Variants in CSGALNACT1 observed in about 807,000 individuals in gnomAD.
The protein encoded by CSGALNACT1 is chondroitin sulfate N-acetylgalactosaminyltransferase 1, also known as beta4GalNAcT-1.
Under a neutral mutation model 51.0 loss-of-function variants are expected in CSGALNACT1, and 52 were observed. The ratio of observed to expected loss-of-function variants is 1.02; its 90% CI spans 0.82 to 1.29. The LOEUF (loss-of-function observed/expected upper bound fraction) is 1.29. Ranked by LOEUF, CSGALNACT1 falls within the 50% of genes most tolerant of loss-of-function variation. The probability of loss-of-function intolerance (pLI) is 0.00; values close to 1 mark genes in which losing one functional copy is unlikely to be tolerated. For missense variants in CSGALNACT1, 935 were observed against 679.2 expected, an observed-to-expected ratio of 1.38 and a Z score of -4.19; for synonymous variants, 341 against 254.4, an observed-to-expected ratio of 1.34 and a Z score of -3.24.
chr8:19,475,670 A>C (rs1205326805), intron 4 of CSGALNACT1, among the ~76,000 whole-genome samples: 1 of 152,214 alleles, frequency 6.6e-6, no homozygotes, highest in Non-Finnish European at 1.5e-5. Flanking sequence ...ACAAGCAAAC[A>C]ACTTAAATAC....
At chr8:19,475,447 C>G (rs2153888487) in intron 4 of CSGALNACT1, among the ~76,000 whole-genome samples, 1 of 152,246 alleles carries the variant, frequency 6.6e-6, no homozygotes. Flanking sequence ...GAATATTAAG[C>G]TGTACAAAAG....
At chr8:19,745,791 C>T (rs996607390) in intron 1 of CSGALNACT1, among the ~76,000 whole-genome samples, 5 of 152,114 alleles carry the variant, frequency 3.3e-5, no homozygotes, top group Admixed American at 6.5e-5. Flanking sequence ...TCAGAGAAAA[C>T]GCGTATTGCA....
intron 4 of CSGALNACT1, among the ~76,000 whole-genome samples, chr8:19,459,676 G>C (rs2064954108): frequency 6.6e-6 from 1 of 152,140 alleles, no homozygotes; most frequent in Non-Finnish European, 1.5e-5. Context: ...GGCCCCACAG[G>C]TTTGCTTTGA....
intron 1 of CSGALNACT1, among the ~76,000 whole-genome samples, chr8:19,657,416 TCTAGAA>T (rs2058381658): frequency 6.6e-6 from 1 of 152,210 alleles, no homozygotes; most frequent in African/African-American, 2.4e-5. Context: ...TTGGATATTT[TCTAGAA>T]TTGACAAAAA....
chr8:19,631,022 T>A (rs2055179328), intron 1 of CSGALNACT1, among the ~76,000 whole-genome samples: 1 of 152,218 alleles, frequency 6.6e-6, no homozygotes, highest in South Asian at 2.1e-4. Flanking sequence ...GACAATTGTA[T>A]AATGATATGT....
intron 3 of CSGALNACT1, among the ~76,000 whole-genome samples, chr8:19,584,112 A>T (rs2046151645): frequency 6.6e-6 from 1 of 152,234 alleles, no homozygotes. Context: ...AGTAGTAAAG[A>T]GGCCATTTCT....
intron 5 of CSGALNACT1, among the ~76,000 whole-genome samples, chr8:19,453,773 G>A (rs536089689): frequency 7.9e-5 from 12 of 152,208 alleles, no homozygotes; most frequent in East Asian, 3.9e-4. Context: ...GCAGCTGGGC[G>A]TCGTGTCATG....
intron 5 of CSGALNACT1, among the ~76,000 whole-genome samples, chr8:19,443,775 C>G (rs569298617): frequency 5.4e-4 from 82 of 152,192 alleles, no homozygotes; most frequent in African/African-American, 1.9e-3. Context: ...TTCCAGAAAC[C>G]CCCTGGGGAT....
intron 1 of CSGALNACT1, among the ~76,000 whole-genome samples, chr8:19,632,953 A>T (rs1226721273): frequency 6.9e-6 from 1 of 144,748 alleles, no homozygotes; most frequent in Middle Eastern, 3.2e-3. Context: ...TTTTTGGTAG[A>T]GACGAGGTTT....
chr8:19,670,367 C>A (rs900921891), intron 1 of CSGALNACT1, among the ~76,000 whole-genome samples: 2 of 152,092 alleles, frequency 1.3e-5, no homozygotes, highest in African/African-American at 4.8e-5. Context: ...AAAATTGTAC[C>A]ATTTTAACAA....
rs11993320 is a variant in CSGALNACT1 at position 19,650,705 on chromosome 8, T to C, written c.-544+31768A>G. Among the ~76,000 whole-genome samples, 1,261 of 152,270 alleles carry C rather than the reference T, an allele frequency of 8.3e-3. 10 individuals are homozygous for C. The highest frequency in any genetic ancestry group is 0.026 in the African/African-American group (1,074 of 41,538). On this transcript the variant is annotated intron_variant, in intron 1 of 9. Transcript: ENST00000332246. ...GTGTGTGAGACTGAAACAACACGCT[T>C]AAGCACTGAGGAAATGCAAAGCAAG...
chr8:19,694,713 C>T (rs1304814524), intron 1 of CSGALNACT1, among the ~76,000 whole-genome samples: 1 of 152,216 alleles, frequency 6.6e-6, no homozygotes, highest in Non-Finnish European at 1.5e-5. Context: ...TTAATAAGGG[C>T]TTCTGAGCCC....
In CSGALNACT1 at chr8:19,741,776, C is replaced by CT. The variant is rs564678205; in HGVS notation, c.-297+16073dup. On this transcript the variant is annotated intron_variant, in intron 1 of 1. Coordinates refer to the CSGALNACT1 transcript ENST00000517494. ...AACTTGTCTACAGGAAAAGAAACGG[C>CT]TGATCATATGGATTTTATTCTTGTT... 1.6e-3 allele frequency among the ~76,000 whole-genome samples: 236 copies of CT among 152,170 alleles called. 2 individuals are homozygous for CT. Among genetic ancestry groups the CT allele is most frequent in the Non-Finnish European group, 2.8e-3 (190 of 68,032 alleles).
At chr8:19,450,273 G>A (rs1235685868) in intron 5 of CSGALNACT1, among the ~76,000 whole-genome samples, 6 of 125,036 alleles carry the variant, frequency 4.8e-5, no homozygotes, top group African/African-American at 1.8e-4. Flanking sequence ...GAGGAGAGGG[G>A]GGAGGAGAGG....
chr8:19,618,753 G>A (rs146465838), intron 1 of CSGALNACT1, among the ~76,000 whole-genome samples: 1 of 152,024 alleles, frequency 6.6e-6, no homozygotes, highest in South Asian at 2.1e-4. Flanking sequence ...AGTTCAGACG[G>A]GGGACATGAC....
chr8:19,647,031 C>T lies in CSGALNACT1; in HGVS notation c.-544+35442G>A, dbSNP rs79183043. Among the ~76,000 whole-genome samples the T allele has an allele frequency of 5.7e-3, 868 of 152,194 alleles. 9 individuals are homozygous for T. The highest frequency in any genetic ancestry group is 0.02 in the African/African-American group (816 of 41,518). ...ACGGCTGAGTGGCTCAGCTTACCAC[C>T]GAGCACCTGTAAGCCTAGTGGTCCC... is the stretch of plus-strand genomic sequence containing the variant. On this transcript the variant is annotated intron_variant, in intron 1 of 9. Coordinates refer to the CSGALNACT1 transcript ENST00000332246.
chr8:19,756,787 G>A (rs560734908), intron 1 of CSGALNACT1, among the ~76,000 whole-genome samples: 2 of 152,152 alleles, frequency 1.3e-5, no homozygotes, highest in African/African-American at 4.8e-5. Flanking sequence ...GTCATCGCGC[G>A]GCACGTGGAA....
intron 1 of CSGALNACT1, among the ~76,000 whole-genome samples, chr8:19,711,291 T>A (rs1383843006): frequency 2.0e-5 from 3 of 152,106 alleles, no homozygotes; most frequent in East Asian, 3.9e-4. Context: ...TATTTATTAA[T>A]CAATTTTAAA....
chr8:19,523,662 AATTGT>A (rs1460097396), intron 3 of CSGALNACT1, among the ~76,000 whole-genome samples: 1 of 152,174 alleles, frequency 6.6e-6, no homozygotes, highest in Non-Finnish European at 1.5e-5. Context: ...AAACAATGTG[AATTGT>A]ATTCACGTAA....
Sources: allele counts gnomAD v4.1 joint callset (sites outside exome capture counted in the v4.1 genomes callset), GRCh38; gene constraint gnomAD v4.1.1; transcripts MANE v1.5; gene names NCBI Gene and HGNC (gene_info 2026-07-23, HGNC 2026-07-21).